JAM3: variants seen among roughly 807,000 people sequenced by gnomAD.
JAM3 encodes the protein junctional adhesion molecule C.
JAM3 carries 31 observed loss-of-function variants against 39.4 expected under a neutral mutation model. The observed-to-expected ratio is 0.79, with a 90% CI of 0.59 to 1.06. JAM3 has a LOEUF of 1.06. Among genes scored for constraint, JAM3 ranks in the 50% least tolerant of loss-of-function variants. The pLI is 0.00. For missense variants in JAM3, 455 were observed against 391.4 expected (o/e 1.16, Z -1.37); for synonymous variants, 182 against 148.7 (o/e 1.22, Z -1.63).
chr11:134,084,527 T>C (rs1355291747), intron 1 of JAM3, among the ~76,000 whole-genome samples: 1 of 152,228 alleles, frequency 6.6e-6, no homozygotes, highest in Non-Finnish European at 1.5e-5. Flanking sequence ...AATTAATTCA[T>C]GTGAAGTGCT....
chr11:134,139,171 C>T (rs1456531151), intron 1 of JAM3, among the ~76,000 whole-genome samples: 1 of 152,184 alleles, frequency 6.6e-6, no homozygotes, highest in Non-Finnish European at 1.5e-5. Context: ...TTTGCCCAAA[C>T]CCATAAGGAA....
chr11:134,082,948 T>TAA (rs1394970974), intron 1 of JAM3, among the ~76,000 whole-genome samples: 2 of 152,204 alleles, frequency 1.3e-5, no homozygotes, highest in African/African-American at 4.8e-5. Flanking sequence ...AAGCATTATG[T>TAA]TATTCTCTTA....
rs115985090 is a variant in JAM3 at position 134,147,351 on chromosome 11, G to T, written c.713-1196G>T. Among the ~76,000 whole-genome samples the T allele has an allele frequency of 4.5e-3, 684 of 150,738 alleles. 4 individuals are homozygous for T. Among genetic ancestry groups the T allele is most frequent in the African/African-American group, 0.015 (634 of 41,038 alleles). ...CGCCTGTAGTCCCAGTAACTTGGGA[G>T]GCTGAGGCAGAAGGATCCCTTGAAC... On this transcript the variant is annotated intron_variant, in intron 6 of 8. Coordinates refer to ENST00000299106, the MANE Select transcript of JAM3 (RefSeq NM_032801.5).
chr11:134,143,984 T>C (rs1943022159), intron 3 of JAM3, among the ~76,000 whole-genome samples: 1 of 152,200 alleles, frequency 6.6e-6, no homozygotes, highest in Non-Finnish European at 1.5e-5. Flanking sequence ...GTGAAGTTCC[T>C]GGTTTTAATG....
chr11:134,128,973 G>A (rs1410679731), intron 1 of JAM3, among the ~76,000 whole-genome samples: 1 of 152,098 alleles, frequency 6.6e-6, no homozygotes, highest in Non-Finnish European at 1.5e-5. Flanking sequence ...TTTTCACATA[G>A]TACTGCAGGC....
chr11:134,135,201 A>G (rs1942842398), intron 1 of JAM3, among the ~76,000 whole-genome samples: 1 of 152,194 alleles, frequency 6.6e-6, no homozygotes, highest in Non-Finnish European at 1.5e-5. Context: ...TATTTGACTT[A>G]ATATAAGGGT....
At chr11:134,093,426 G>A (rs185427500) in intron 1 of JAM3, among the ~76,000 whole-genome samples, 1 of 129,600 alleles carries the variant, frequency 7.7e-6, no homozygotes, top group East Asian at 2.9e-4. Context: ...CTCCCTGAGG[G>A]AAGCTTCTCC....
intron 6 of JAM3, among the ~76,000 whole-genome samples, chr11:134,146,891 TCCTC>T (rs534931024): frequency 8.1e-4 from 124 of 152,210 alleles, no homozygotes; most frequent in Middle Eastern, 6.8e-3. Context: ...AATCCTTCCC[TCCTC>T]CCTATTTGGA....
chr11:134,072,314 A>ATTTTTT (rs34630736), intron 1 of JAM3, among the ~76,000 whole-genome samples: 1 of 144,692 alleles, frequency 6.9e-6, no homozygotes, highest in African/African-American at 2.5e-5. Flanking sequence ...GTGAAGTTGG[A>ATTTTTT]TTTTTTTTTT....
intron 1 of JAM3, among the ~76,000 whole-genome samples, chr11:134,109,816 G>A (rs1447351291): frequency 6.6e-6 from 1 of 152,190 alleles, no homozygotes; most frequent in Non-Finnish European, 1.5e-5. Context: ...CTTTACATAA[G>A]ATAAGGTGAA....
chr11:134,076,833 C>CTTTTTTTTTTTTTT lies in JAM3; in HGVS notation c.76+7681_76+7694dup, dbSNP rs71038556. Among the ~76,000 whole-genome samples, 5 of 118,532 alleles carry CTTTTTTTTTTTTTT rather than the reference C, an allele frequency of 4.2e-5. 2 individuals carry two copies. Among genetic ancestry groups the CTTTTTTTTTTTTTT allele is most frequent in the African/African-American group, 6.7e-5 (2 of 29,790 alleles). The allele number at this position is 118,532 out of a possible 152,430, so 77.8% of individuals were successfully genotyped here. A position where few individuals can be genotyped will look rare whatever the true frequency, so the allele number is the denominator to read the frequency against. ...TTTGCAATCTCACTAACATCTATTG[C>CTTTTTTTTTTTTTT]TTTTTTTTTTTTTTTTTTTTGAGAT... On this transcript the variant is annotated intron_variant, in intron 1 of 8. Transcript: ENST00000299106.
At position 134,148,585 on chromosome 11, in the gene JAM3, G is replaced by T. The variant is rs761535214; in HGVS notation, c.751G>T (p.Val251Phe). 16 of 1,614,138 alleles carry T rather than the reference G, an allele frequency of 9.9e-6. No homozygotes were observed. Among genetic ancestry groups the T allele is most frequent in the Non-Finnish European group, 1.3e-5 (15 of 1,180,028 alleles). The change falls in exon 7 of 9, where the codon GTT becomes TTT. Residue 251 changes from valine (V) to phenylalanine (F), a missense_variant. Val to Phe is a conservative substitution (Grantham distance 50). Coordinates refer to ENST00000299106, the MANE Select transcript of JAM3 (RefSeq NM_032801.5). ...NIGGIIGGVL[V>F]VLAVLALITL... is the part of the protein sequence containing the mutation. ...TGGCGGAATTATTGGGGGGGTTCTG[G>T]TTGTCCTTGCTGTACTGGCCCTGAT... is the stretch of plus-strand genomic sequence containing the variant.
chr11:134,107,624 T>C (rs908683475), intron 1 of JAM3, among the ~76,000 whole-genome samples: 1 of 151,990 alleles, frequency 6.6e-6, no homozygotes, highest in Admixed American at 6.6e-5. Flanking sequence ...AGAAGAAAGG[T>C]CTGAAATCAG....
chr11:134,122,243 G>T (rs928293733), intron 1 of JAM3, among the ~76,000 whole-genome samples: 1 of 152,168 alleles, frequency 6.6e-6, no homozygotes, highest in African/African-American at 2.4e-5. Context: ...CCTAGCTGAC[G>T]CTAACAAAAT....
chr11:134,146,159 T>G lies in JAM3; in HGVS notation c.712+114T>G. ...CTCTTCCGCCATGGGTTAGCTTTCT[T>G]CTGGAGCTGCCTAGGTCCACCAGAA... On this transcript the variant is annotated intron_variant, in intron 6 of 8. Transcript: ENST00000299106. 5 of 789,842 alleles carry G rather than the reference T, an allele frequency of 6.3e-6. No individual in the cohort carries two copies. In the South Asian group the frequency reaches 7.3e-5, roughly 12 times the overall value. 48.9% of individuals were successfully genotyped at this position (789,842 alleles called of 1,614,324 possible). A position where few individuals can be genotyped will look rare whatever the true frequency, so the allele number is the denominator to read the frequency against.
At chr11:134,128,472 A>G (rs750298189) in intron 1 of JAM3, among the ~76,000 whole-genome samples, 6 of 152,198 alleles carry the variant, frequency 3.9e-5, no homozygotes, top group Non-Finnish European at 7.3e-5. Flanking sequence ...CCCAAATCTC[A>G]TCTCAAATTG....
At chr11:134,138,313 G>A (rs1942908640) in intron 1 of JAM3, among the ~76,000 whole-genome samples, 1 of 110,232 alleles carries the variant, frequency 9.1e-6, no homozygotes, top group South Asian at 2.4e-4. Context: ...TAGAGCCAGT[G>A]GTGGCGTCTG....
chr11:134,091,775 G>A (rs1223735901), intron 1 of JAM3, among the ~76,000 whole-genome samples: 2 of 151,576 alleles, frequency 1.3e-5, no homozygotes, highest in East Asian at 3.9e-4. Context: ...GCAATGGATG[G>A]AAAAGTTGCC....
chr11:134,115,534 G>A lies in JAM3; in HGVS notation c.77-24317G>A, dbSNP rs1207244038. On this transcript the variant is annotated intron_variant, in intron 1 of 8. Transcript: ENST00000299106. Reference sequence around the variant, plus strand: ...ACCTTGATATATTTAAAGAGTAGTGGTTAGGTGTTTTGCAGAAAGTCTTCA... The same window carrying A: ...ACCTTGATATATTTAAAGAGTAGTGATTAGGTGTTTTGCAGAAAGTCTTCA... Among the ~76,000 whole-genome samples, 3 of 152,188 alleles carry A rather than the reference G, an allele frequency of 2.0e-5. No homozygotes were observed. In the East Asian group the frequency reaches 5.8e-4, roughly 29 times the overall value.
Sources: allele counts gnomAD v4.1 joint callset (sites outside exome capture counted in the v4.1 genomes callset), GRCh38; gene constraint gnomAD v4.1.1; transcripts MANE v1.5; gene names NCBI Gene and HGNC (gene_info 2026-07-23, HGNC 2026-07-21).